SOX5: variants seen among roughly 807,000 people sequenced by gnomAD.
The protein encoded by SOX5 is SRY-box transcription factor 5.
A neutral mutation model predicts 92.0 loss-of-function variants in SOX5; 9 were observed. The observed-to-expected ratio is 0.10, with a 90% CI of 0.06 to 0.17. The LOEUF (loss-of-function observed/expected upper bound fraction) is 0.17, where lower values mean the gene tolerates loss of function less well. SOX5 is among the 10% of genes least tolerant of loss of function. SOX5 has a pLI of 1.00. For synonymous variants in SOX5, 344 were observed against 336.3 expected (o/e 1.02, Z -0.25); for missense variants, 642 against 944.5 (o/e 0.68, Z 4.20).
At chr12:23,749,585 T>C (rs921294235) in intron 4 of SOX5, among the ~76,000 whole-genome samples, 1 of 151,904 alleles carries the variant, frequency 6.6e-6, no homozygotes, top group Admixed American at 6.6e-5. Flanking sequence ...TGGGACATTA[T>C]GAAAGAGATG....
At chr12:24,240,308 C>T (rs1048983890) in intron 3 of SOX5, among the ~76,000 whole-genome samples, 2 of 152,118 alleles carry the variant, frequency 1.3e-5, no homozygotes, top group African/African-American at 2.4e-5. Context: ...TGTTGTAACG[C>T]CTCACTTGCC....
chr12:23,755,703 A>G lies in SOX5; in HGVS notation c.503T>C (p.Leu168Pro). The stretch of plus-strand genomic sequence containing the variant: ...CTTGTCTTTCCAGTCCTTTGAGAGT[A>G]GTTTTTCAATACTGGGGGTTTCTAA... ...EPEETPSIEK[L>P]LSKDWKDKLL... is the part of the protein sequence containing the mutation. The change falls in exon 4 of 15, where the codon CTA becomes CCA. Residue 168 changes from leucine (L) to proline (P), a missense_variant. By Grantham distance (98) the Leu-to-Pro change is moderately conservative (BLOSUM62 -3). Transcript: ENST00000451604. The G allele has an allele frequency of 1.3e-6, 2 of 1,581,858 alleles. No individual in the cohort carries two copies. Among genetic ancestry groups the G allele is most frequent in the Non-Finnish European group, 1.7e-6 (2 of 1,166,144 alleles).
intron 8 of SOX5, 135 bp downstream of exon 8, chr12:23,640,677 A>T: frequency 1.5e-6 from 1 of 680,600 alleles, no homozygotes. Context: ...GTGGTTGAGG[A>T]TCATTACAAA....
chr12:24,061,950 A>C (rs1026536140), intron 4 of SOX5, among the ~76,000 whole-genome samples: 1 of 152,282 alleles, frequency 6.6e-6, no homozygotes, highest in South Asian at 2.1e-4. Context: ...TGTCTGAATG[A>C]GAGTTTTGTT....
intron 3 of SOX5, among the ~76,000 whole-genome samples, chr12:24,262,422 A>G (rs925274314): frequency 2.0e-5 from 3 of 152,234 alleles, no homozygotes; most frequent in Non-Finnish European, 4.4e-5. Flanking sequence ...CTTTTCCTAA[A>G]TATTGTTTGT....
chr12:23,834,716 A>G (rs2096385382), intron 3 of SOX5, among the ~76,000 whole-genome samples: 5 of 151,982 alleles, frequency 3.3e-5, no homozygotes, highest in Admixed American at 3.3e-4. Context: ...CAATGGAGGC[A>G]AATAACAGTT....
intron 2 of SOX5, among the ~76,000 whole-genome samples, chr12:24,312,560 A>G (rs1949287505): frequency 6.6e-6 from 1 of 152,218 alleles, no homozygotes. Context: ...TACAGCCCCA[A>G]TTCCTAGAAC....
chr12:23,804,730 CCT>C (rs1329247296), intron 3 of SOX5, among the ~76,000 whole-genome samples: 1 of 151,646 alleles, frequency 6.6e-6, no homozygotes, highest in Non-Finnish European at 1.5e-5. Flanking sequence ...GGTGTCCTCC[CCT>C]GATGGAACTA....
At chr12:24,423,525 A>T (rs1310747254) in intron 1 of SOX5, among the ~76,000 whole-genome samples, 1 of 152,256 alleles carries the variant, frequency 6.6e-6, no homozygotes, top group Non-Finnish European at 1.5e-5. Context: ...TTTTACATCT[A>T]TATCATTCCT....
intron 3 of SOX5, among the ~76,000 whole-genome samples, chr12:23,840,931 G>A (rs1333303272): frequency 2.0e-5 from 3 of 152,102 alleles, no homozygotes; most frequent in Non-Finnish European, 4.4e-5. Flanking sequence ...CCTGGATTAT[G>A]TGATGATTGC....
intron 11 of SOX5, 45 bp downstream of exon 11, chr12:23,563,213 A>G (rs543035780): frequency 6.8e-7 from 1 of 1,474,642 alleles, no homozygotes; most frequent in Admixed American, 2.0e-5. Context: ...GCATTAGGCA[A>G]TTTAATTAAG....
At chr12:23,895,642 A>C in intron 2 of SOX5, 151 bp downstream of exon 2, 1 of 626,426 alleles carries the variant, frequency 1.6e-6, no homozygotes, top group East Asian at 2.6e-5. Flanking sequence ...TATTGGAACA[A>C]ATTTAAAGAA....
intron 11 of SOX5, among the ~76,000 whole-genome samples, chr12:23,561,209 AT>A (rs1172920881): frequency 6.6e-6 from 1 of 152,228 alleles, no homozygotes; most frequent in African/African-American, 2.4e-5. Context: ...AGAAAGGAAA[AT>A]TGAAGCAGTA....
chr12:24,166,877 A>T (rs2139066673), intron 4 of SOX5, among the ~76,000 whole-genome samples: 1 of 152,162 alleles, frequency 6.6e-6, no homozygotes, highest in East Asian at 1.9e-4. Flanking sequence ...CACATAAGCA[A>T]AGTGTTCTAT....
chr12:24,336,567 C>A (rs1951928384), intron 2 of SOX5, among the ~76,000 whole-genome samples: 1 of 152,160 alleles, frequency 6.6e-6, no homozygotes, highest in South Asian at 2.1e-4. Flanking sequence ...TCAAGCATAT[C>A]ATTCAGGTGC....
chr12:24,397,559 G>A (rs992121241), intron 1 of SOX5, among the ~76,000 whole-genome samples: 13 of 151,954 alleles, frequency 8.6e-5, no homozygotes, highest in East Asian at 1.9e-4. Flanking sequence ...TATTTAGTAA[G>A]TATTTATTCT....
At chr12:24,137,576 G>A (rs1335742816) in intron 4 of SOX5, among the ~76,000 whole-genome samples, 1 of 152,162 alleles carries the variant, frequency 6.6e-6, no homozygotes, top group Non-Finnish European at 1.5e-5. Flanking sequence ...AGGTTGCAGT[G>A]AGCAGAAGTC....
intron 3 of SOX5, among the ~76,000 whole-genome samples, chr12:23,789,170 T>C (rs1452015034): frequency 6.6e-6 from 1 of 151,904 alleles, no homozygotes; most frequent in African/African-American, 2.4e-5. Flanking sequence ...AACGAGTGAC[T>C]AGATCATAAT....
intron 2 of SOX5, among the ~76,000 whole-genome samples, chr12:24,364,484 C>G (rs566544537): frequency 7.6e-6 from 1 of 131,020 alleles, no homozygotes; most frequent in East Asian, 2.3e-4. Context: ...TTTGTGTCAG[C>G]CAAAACTGAA....
Sources: allele counts gnomAD v4.1 joint callset (sites outside exome capture counted in the v4.1 genomes callset), GRCh38; gene constraint gnomAD v4.1.1; transcripts MANE v1.5; gene names NCBI Gene and HGNC (gene_info 2026-07-23, HGNC 2026-07-21).